Variants in KRT39 observed in about 807,000 individuals in gnomAD.
KRT39 encodes keratin 39, also known as keratin, type I cytoskeletal 39.
In KRT39, 47 loss-of-function variants were observed where a neutral mutation model predicts 54.8. The observed-to-expected ratio is 0.86, with a 90% CI of 0.68 to 1.09. The LOEUF (loss-of-function observed/expected upper bound fraction) is 1.09, where lower values mean the gene tolerates loss of function less well. Among genes scored for constraint, KRT39 ranks in the 50% least tolerant of loss-of-function variants. The pLI, the probability that KRT39 is intolerant of heterozygous loss-of-function variation, is 0.00. For synonymous variants in KRT39, 207 were observed against 227.9 expected, an observed-to-expected ratio of 0.91 and a Z score of 0.83; for missense variants, 580 against 598.5, an observed-to-expected ratio of 0.97 and a Z score of 0.32.
chr17:40,962,209 G>A lies in KRT39; in HGVS notation c.949C>T (p.Arg317Cys), dbSNP rs759587216. 35 of 1,614,064 alleles carry A rather than the reference G, an allele frequency of 2.2e-5. No individual in the cohort carries two copies. The highest frequency in any genetic ancestry group is 2.1e-4 in the African/African-American group (16 of 74,930). The part of the protein sequence containing the change: ...CCQKEIIELR[R>C]SVNTLEVELQ... ...TCAACCTCCAGAGTGTTCACACTGC[G>A]TCTCAGTTCTATGATCTCCTTTTGG... is the stretch of plus-strand genomic sequence containing the variant. The change falls in exon 5 of 7, where the codon CGC becomes TGC. Residue 317 changes from arginine to cysteine, a missense_variant. Coordinates refer to ENST00000355612, the MANE Select transcript of KRT39 (RefSeq NM_213656.4).
At chr17:40,965,660 TA>T (rs1317711088) in intron 1 of KRT39, among the ~76,000 whole-genome samples, 1 of 152,146 alleles carries the variant, frequency 6.6e-6, no homozygotes, top group Non-Finnish European at 1.5e-5. Context: ...GTGGAGATGA[TA>T]ACATAAGCAT....
intron 1 of KRT39, among the ~76,000 whole-genome samples, chr17:40,965,151 C>A (rs1911328732): frequency 1.3e-5 from 2 of 151,986 alleles, no homozygotes; most frequent in South Asian, 4.2e-4. Context: ...TAGCAGTGAG[C>A]CGAGATCGCG....
chr17:40,960,445 C>T lies in KRT39; in HGVS notation c.1053G>A (p.Leu351=). The T allele has an allele frequency of 1.2e-6, 2 of 1,614,092 alleles. No homozygotes were observed. The highest frequency in any genetic ancestry group is 1.7e-6 in the Non-Finnish European group (2 of 1,180,022). ...TATCAATCAGACTCTGGATCTGGGT[C>T]AGCAAGGCCGTGTAGCGAGCCTCTG... The part of the protein sequence containing the change: ...TETEARYTAL[L]TQIQSLIDNL... Residue 351 remains leucine, a synonymous_variant, in exon 6 of 7, where the codon CTG becomes CTA. Coordinates refer to ENST00000355612, the MANE Select transcript of KRT39 (RefSeq NM_213656.4).
chr17:40,966,440 T>C lies in KRT39; in HGVS notation c.417A>G (p.Leu139=), dbSNP rs1911398878. The part of the protein sequence containing the change: ...QEESNKELPV[L]CPDYLSYYTT... ...TGTAGTAAGACAGGTAATCAGGACA[T>C]AGAACAGGGAGCTCTTTGTTACTTT... Residue 139 remains leucine (L), a synonymous_variant, in exon 1 of 7, where the codon CTA becomes CTG. Transcript: ENST00000355612. The C allele has an allele frequency of 6.2e-7, 1 of 1,614,222 alleles. No individual in the cohort carries two copies. Among genetic ancestry groups the C allele is most frequent in the East Asian group, 2.2e-5 (1 of 44,892 alleles).
intron 5 of KRT39, among the ~76,000 whole-genome samples, chr17:40,961,600 A>C (rs1270958704): frequency 6.6e-6 from 1 of 152,174 alleles, no homozygotes; most frequent in Non-Finnish European, 1.5e-5. Context: ...ACTTTGGATG[A>C]GTTTCTTAAT....
chr17:40,964,294 A>C, intron 2 of KRT39, 152 bp downstream of exon 2: 1 of 689,708 alleles, frequency 1.4e-6, no homozygotes, highest in Non-Finnish European at 2.6e-6. Context: ...TATTAATCTT[A>C]ATCATTCATT....
Position 40,964,439 on chromosome 17 carries a change from G to A in KRT39, c.551+7C>T, listed in dbSNP as rs1911278520. 6.2e-7 allele frequency: 1 copy of A among 1,613,390 alleles called. No individual in the cohort carries two copies. The highest frequency in any genetic ancestry group is 1.7e-5 in the Admixed American group (1 of 60,002). On this transcript the variant is annotated splice_region_variant and intron_variant, in intron 2 of 6. Transcript: ENST00000355612. ...CTGTCATTGATGACGGTGTTGGGTG[G>A]GCTTACTTGGCTCTCAAGTCATCTG...
chr17:40,966,067 ATG>A (rs71300040), intron 1 of KRT39, among the ~76,000 whole-genome samples: 10,468 of 147,108 alleles, frequency 0.071, 1,209 homozygotes, highest in African/African-American at 0.24. Context: ...TTGTGTGTGT[ATG>A]TGTGTGTGTG....
At chr17:40,959,231 T>G (rs191008707) in intron 6 of KRT39, among the ~76,000 whole-genome samples, 1 of 152,286 alleles carries the variant, frequency 6.6e-6, no homozygotes, top group East Asian at 1.9e-4. Context: ...ATCTGCAGAA[T>G]GGATATAATG....
chr17:40,964,370 G>C, intron 2 of KRT39, 76 bp downstream of exon 2: 1 of 1,225,588 alleles, frequency 8.2e-7, no homozygotes, highest in East Asian at 2.3e-5. Context: ...GTAGACATGG[G>C]GACAATTTTG....
intron 5 of KRT39, 93 bp downstream of exon 5, chr17:40,962,069 C>A: frequency 6.8e-7 from 1 of 1,478,682 alleles, no homozygotes; most frequent in Non-Finnish European, 9.1e-7. Context: ...AACTATTGTT[C>A]TGAAAGACAC....
At chr17:40,959,382 A>G (rs973380486) in intron 6 of KRT39, among the ~76,000 whole-genome samples, 1 of 152,264 alleles carries the variant, frequency 6.6e-6, no homozygotes, top group Admixed American at 6.5e-5. Context: ...GCTATGAAAG[A>G]GTCCTCACTG....
chr17:40,963,615 T>C lies in KRT39; in HGVS notation c.708+12A>G. 1.3e-6 allele frequency: 2 copies of C among 1,593,156 alleles called. No homozygotes were observed. Among genetic ancestry groups the C allele is most frequent in the Non-Finnish European group, 8.6e-7 (1 of 1,163,756 alleles). Reference sequence around the variant, plus strand: ...ACTTAGCTTGTGATTACTCTATTGGTCTTTGTCTCACCTCTTTGTGGTTGT... The same window carrying C: ...ACTTAGCTTGTGATTACTCTATTGGCCTTTGTCTCACCTCTTTGTGGTTGT... On this transcript the variant is annotated intron_variant, in intron 3 of 6. Coordinates refer to ENST00000355612, the MANE Select transcript of KRT39 (RefSeq NM_213656.4).
rs368602801 is a variant in KRT39 at position 40,958,728 on chromosome 17, G to T, written c.1349C>A (p.Ala450Asp). The change falls in exon 7 of 7, where the codon GCC becomes GAC. Residue 450 changes from alanine (A) to aspartate (D), a missense_variant. Transcript: ENST00000355612. The part of the protein sequence containing the change: ...SPCSLKEHCS[A>D]CGPLSRILVK... ...CAGTATCCGGGACAGGGGTCCGCAG[G>T]CACTGCAGTGCTCCTTTAAGCTGCA... is the stretch of plus-strand genomic sequence containing the variant. The T allele has an allele frequency of 2.8e-5, 45 of 1,614,016 alleles. No individual in the cohort carries two copies. The Middle Eastern group carries it at 9.9e-4, about 35-fold the overall frequency.
intron 3 of KRT39, 67 bp from the exon 4 acceptor site, chr17:40,962,630 T>G: frequency 7.3e-7 from 1 of 1,369,322 alleles, no homozygotes. Context: ...CTTGTTTCAC[T>G]CTAACTGCTA....
At position 40,966,708 on chromosome 17, in the gene KRT39, A is replaced by C. The variant is rs912073778; in HGVS notation, c.149T>G (p.Val50Gly). ...TVNNCQPAGHVLRIPWDQGCQ... is the reference protein window; with the variant it reads ...TVNNCQPAGHGLRIPWDQGCQ... ...GCCCTGGTCCCAGGGAATTCTGAGA[A>C]CGTGGCCAGCTGGTTGACAGTTGTT... Residue 50 changes from valine (V) to glycine (G), a missense_variant, in exon 1 of 7, where the codon GTT becomes GGT. By Grantham distance (109) the Val-to-Gly change is moderately radical. Transcript: ENST00000355612. 1 of 1,614,202 alleles carries C rather than the reference A, an allele frequency of 6.2e-7. No homozygotes were observed. The highest frequency in any genetic ancestry group is 1.7e-5 in the Admixed American group (1 of 60,014).
At chr17:40,965,072 C>T (rs1050292122) in intron 1 of KRT39, among the ~76,000 whole-genome samples, 22 of 151,558 alleles carry the variant, frequency 1.5e-4, no homozygotes, top group Middle Eastern at 3.4e-3. Flanking sequence ...GGCGTGGTGG[C>T]GGGCGCCTGT....
intron 1 of KRT39, 73 bp from the exon 2 acceptor site, chr17:40,964,601 T>C: frequency 2.0e-6 from 2 of 1,019,266 alleles, no homozygotes; most frequent in Non-Finnish European, 1.6e-6. Flanking sequence ...AAGGGGTTTG[T>C]GTGTGTGTCA....
intron 3 of KRT39, among the ~76,000 whole-genome samples, chr17:40,963,352 C>G (rs1037276789): frequency 6.6e-6 from 1 of 152,104 alleles, no homozygotes; most frequent in African/African-American, 2.4e-5. Context: ...GGCTCTTCCC[C>G]CTTTGGTCTC....
Sources: gnomAD v4.1 joint callset for allele counts (sites outside exome capture counted in the v4.1 genomes callset) on GRCh38, gnomAD v4.1.1 for gene constraint, MANE v1.5 for transcripts, NCBI Gene and HGNC (gene_info 2026-07-23, HGNC 2026-07-21) for gene names.